The following DAB1 variants were observed in gnomAD, a reference collection of about 807,000 sequenced individuals.
DAB1 encodes disabled homolog 1.
Under a neutral mutation model 64.6 loss-of-function variants are expected in DAB1, and 15 were observed. The ratio of observed to expected loss-of-function variants is 0.23; its 90% CI spans 0.16 to 0.36. The LOEUF (loss-of-function observed/expected upper bound fraction) is 0.36. Among genes scored for constraint, DAB1 ranks in the 10% least tolerant of loss-of-function variants. DAB1 has a pLI of 1.00. For missense variants in DAB1, 596 were observed against 706.7 expected (o/e 0.84, Z 1.78); for synonymous variants, 235 against 251.9 (o/e 0.93, Z 0.64).
chr1:58,087,196 T>C (rs1225846173), intron 5 of DAB1, among the ~76,000 whole-genome samples: 3 of 152,166 alleles, frequency 2.0e-5, no homozygotes, highest in Non-Finnish European at 4.4e-5. Context: ...AGGTACTTAG[T>C]AGAGAGCAGG....
At chr1:57,558,818 A>G (rs2101498364) in intron 7 of DAB1, among the ~76,000 whole-genome samples, 1 of 152,336 alleles carries the variant, frequency 6.6e-6, no homozygotes, top group East Asian at 1.9e-4. Flanking sequence ...AAAGGGATCC[A>G]AAGGCTTAGC....
chr1:57,228,440 A>C (rs145386130), intron 2 of DAB1, among the ~76,000 whole-genome samples: 1 of 152,194 alleles, frequency 6.6e-6, no homozygotes, highest in African/African-American at 2.4e-5. Flanking sequence ...TTTAGAAGAG[A>C]AAACCTGAAT....
intron 4 of DAB1, among the ~76,000 whole-genome samples, chr1:57,117,370 C>T (rs890692406): frequency 2.6e-5 from 4 of 152,176 alleles, no homozygotes; most frequent in African/African-American, 4.8e-5. Flanking sequence ...AACTACTCTG[C>T]GAAGCAGGTG....
At position 57,218,515 on chromosome 1, in the gene DAB1, T is replaced by TAAAAAAAAAA. The variant is rs776398255; in HGVS notation, c.67+72439_67+72448dup. Reference sequence around the variant, plus strand: ...AGCAACATAGTGAGACCCCCATCTCTAAAAAAAAAAAAAAAAAAAAAAAAA... The same window carrying TAAAAAAAAAA: ...AGCAACATAGTGAGACCCCCATCTCTAAAAAAAAAAAAAAAAAAAAAAAAAAAAAAAAAAA... On this transcript the variant is annotated intron_variant, in intron 2 of 14. Coordinates refer to ENST00000371236, the MANE Select transcript of DAB1 (RefSeq NM_001365792.1). 5.9e-3 allele frequency among the ~76,000 whole-genome samples: 422 copies of TAAAAAAAAAA among 71,426 alleles called. 4 individuals carry two copies. The highest frequency in any genetic ancestry group is 7.6e-3 in the Non-Finnish European group (325 of 42,578). 46.9% of individuals were successfully genotyped at this position (71,426 alleles called of 152,430 possible).
At chr1:58,196,200 A>G (rs766841964) in intron 4 of DAB1, among the ~76,000 whole-genome samples, 1 of 152,226 alleles carries the variant, frequency 6.6e-6, no homozygotes, top group Non-Finnish European at 1.5e-5. Context: ...AAGCATAGGA[A>G]GTAGCATGTG....
At chr1:57,833,188 T>G (rs1373418317) in intron 1 of DAB1, among the ~76,000 whole-genome samples, 1 of 152,142 alleles carries the variant, frequency 6.6e-6, no homozygotes, top group Non-Finnish European at 1.5e-5. Context: ...CGGTGGTGAA[T>G]CCTACTATTT....
intron 2 of DAB1, among the ~76,000 whole-genome samples, chr1:57,252,537 T>C (rs1447791481): frequency 3.9e-5 from 6 of 152,234 alleles, no homozygotes; most frequent in African/African-American, 1.4e-4. Context: ...AAAAGGTTTG[T>C]TTATGTACCC....
chr1:57,591,910 A>T (rs1202330037), intron 7 of DAB1, among the ~76,000 whole-genome samples: 1 of 152,200 alleles, frequency 6.6e-6, no homozygotes, highest in Non-Finnish European at 1.5e-5. Context: ...AAGAAAACTA[A>T]TAAGTTATTT....
At chr1:57,339,079 C>T (rs1677335540) in intron 1 of DAB1, among the ~76,000 whole-genome samples, 1 of 151,882 alleles carries the variant, frequency 6.6e-6, no homozygotes. Context: ...ATGTCTGTTA[C>T]TGTAATGTTA....
intron 3 of DAB1, among the ~76,000 whole-genome samples, chr1:58,493,177 C>A (rs1369095867): frequency 6.6e-6 from 1 of 152,178 alleles, no homozygotes; most frequent in Non-Finnish European, 1.5e-5. Flanking sequence ...ACATGATTAT[C>A]TCAATAGATG....
intron 5 of DAB1, among the ~76,000 whole-genome samples, chr1:57,902,487 A>G (rs973132211): frequency 1.3e-5 from 2 of 152,142 alleles, no homozygotes; most frequent in African/African-American, 4.8e-5. Flanking sequence ...GATGTCCCTA[A>G]TTGTCTCAAT....
intron 4 of DAB1, among the ~76,000 whole-genome samples, chr1:58,222,053 G>A (rs1659199463): frequency 6.6e-6 from 1 of 152,176 alleles, no homozygotes; most frequent in African/African-American, 2.4e-5. Flanking sequence ...TTTAGGCAGA[G>A]GGCCAGGCAA....
chr1:57,407,763 C>T (rs2101048354), intron 1 of DAB1, among the ~76,000 whole-genome samples: 1 of 136,784 alleles, frequency 7.3e-6, no homozygotes, highest in African/African-American at 2.9e-5. Context: ...AGGAAGATAT[C>T]TGAAGTGTGT....
intron 5 of DAB1, among the ~76,000 whole-genome samples, chr1:58,114,731 C>T (rs1652214043): frequency 6.6e-6 from 1 of 152,188 alleles, no homozygotes; most frequent in Non-Finnish European, 1.5e-5. Flanking sequence ...CAGCAGCAGA[C>T]ACTGCAAAGA....
chr1:57,787,653 A>G (rs545267428), intron 6 of DAB1, among the ~76,000 whole-genome samples: 1 of 152,134 alleles, frequency 6.6e-6, no homozygotes, highest in African/African-American at 2.4e-5. Flanking sequence ...ATAAAATAAA[A>G]AAATTGATAC....
chr1:57,161,364 C>T (rs11206979), intron 2 of DAB1, among the ~76,000 whole-genome samples: 15,323 of 152,144 alleles, frequency 0.1, 2,641 homozygotes, highest in African/African-American at 0.35. Flanking sequence ...CAAAGTCCCC[C>T]GGCAAAACTG....
At chr1:57,595,777 C>T (rs1194494262) in intron 7 of DAB1, among the ~76,000 whole-genome samples, 1 of 152,110 alleles carries the variant, frequency 6.6e-6, no homozygotes. Flanking sequence ...GTTATCATGA[C>T]ATCAGGTTGT....
At chr1:57,633,362 C>T (rs184840796) in intron 7 of DAB1, among the ~76,000 whole-genome samples, 4 of 152,322 alleles carry the variant, frequency 2.6e-5, no homozygotes, top group African/African-American at 9.6e-5. Context: ...CGGGATGAAG[C>T]CTGAGTTTCT....
At chr1:58,269,246 T>A (rs938364205) in intron 4 of DAB1, among the ~76,000 whole-genome samples, 4 of 150,338 alleles carry the variant, frequency 2.7e-5, no homozygotes, top group Non-Finnish European at 5.9e-5. Context: ...TTCCCACCTA[T>A]GAGTGAGAAT....
Sources: gnomAD v4.1 joint callset for allele counts (sites outside exome capture counted in the v4.1 genomes callset) on GRCh38, gnomAD v4.1.1 for gene constraint, MANE v1.5 for transcripts, NCBI Gene and HGNC (gene_info 2026-07-23, HGNC 2026-07-21) for gene names.